The following KCNQ5 variants were observed in gnomAD, a reference collection of about 807,000 sequenced individuals.
KCNQ5 encodes potassium voltage-gated channel subfamily KQT member 5.
Under a neutral mutation model 98.2 loss-of-function variants are expected in KCNQ5, and 30 were observed. The observed-to-expected ratio is 0.31, with a 90% CI of 0.23 to 0.41. The LOEUF is 0.41. Among genes scored for constraint, KCNQ5 ranks in the 10% least tolerant of loss-of-function variants. The pLI is 1.00. For synonymous variants in KCNQ5, 458 were observed against 449.4 expected (o/e 1.02, Z -0.24); for missense variants, 835 against 1,182.5 (o/e 0.71, Z 4.31).
intron 1 of KCNQ5, among the ~76,000 whole-genome samples, chr6:72,897,863 A>G (rs1029277562): frequency 2.0e-5 from 3 of 152,072 alleles, no homozygotes; most frequent in Non-Finnish European, 4.4e-5. Flanking sequence ...CCTAGAAAAT[A>G]TTTTTGTCTT....
intron 5 of KCNQ5, among the ~76,000 whole-genome samples, chr6:73,090,248 G>A (rs1447329968): frequency 6.6e-6 from 1 of 151,876 alleles, no homozygotes; most frequent in Non-Finnish European, 1.5e-5. Context: ...CCCACTTTTT[G>A]ATGGGATTGT....
intron 10 of KCNQ5, among the ~76,000 whole-genome samples, chr6:73,153,032 G>C (rs1777216370): frequency 6.6e-6 from 1 of 152,114 alleles, no homozygotes; most frequent in Non-Finnish European, 1.5e-5. Flanking sequence ...TCTTCTGCTG[G>C]AATAGGAGAG....
intron 1 of KCNQ5, among the ~76,000 whole-genome samples, chr6:72,788,242 T>C (rs1003157858): frequency 2.0e-5 from 3 of 152,228 alleles, no homozygotes; most frequent in African/African-American, 7.2e-5. Context: ...TGATTTATTA[T>C]AAAATGTGCT....
At chr6:72,726,744 G>A (rs1243872116) in intron 1 of KCNQ5, among the ~76,000 whole-genome samples, 1 of 152,182 alleles carries the variant, frequency 6.6e-6, no homozygotes, top group Non-Finnish European at 1.5e-5. Context: ...CTGTTCTGTA[G>A]TTAAAGGAAA....
At chr6:72,874,495 C>T (rs1342208844) in intron 1 of KCNQ5, among the ~76,000 whole-genome samples, 1 of 152,066 alleles carries the variant, frequency 6.6e-6, no homozygotes, top group Non-Finnish European at 1.5e-5. Context: ...TTTATTTTCA[C>T]TTTAATCACT....
intron 1 of KCNQ5, among the ~76,000 whole-genome samples, chr6:72,945,806 A>G (rs1486970374): frequency 6.6e-6 from 1 of 152,058 alleles, no homozygotes; most frequent in Non-Finnish European, 1.5e-5. Context: ...TAACATATCC[A>G]TTTTTCTTTA....
At chr6:73,167,144 G>T (rs1418247605) in intron 10 of KCNQ5, among the ~76,000 whole-genome samples, 2 of 152,334 alleles carry the variant, frequency 1.3e-5, no homozygotes, top group Middle Eastern at 6.8e-3. Context: ...AAAAGACTGT[G>T]TTGTGTGGGT....
At chr6:72,895,882 G>A (rs1285719956) in intron 1 of KCNQ5, among the ~76,000 whole-genome samples, 1 of 151,928 alleles carries the variant, frequency 6.6e-6, no homozygotes, top group Non-Finnish European at 1.5e-5. Flanking sequence ...GAAAGGCTTT[G>A]TGTCTATTCC....
chr6:73,193,399 G>A (rs866504174), intron 13 of KCNQ5, among the ~76,000 whole-genome samples: 14 of 149,232 alleles, frequency 9.4e-5, no homozygotes, highest in African/African-American at 3.2e-4. Flanking sequence ...AGGCCGAGGC[G>A]GGCAGATCAC....
At chr6:73,137,656 TTC>T (rs1776525387) in intron 10 of KCNQ5, among the ~76,000 whole-genome samples, 2 of 152,190 alleles carry the variant, frequency 1.3e-5, no homozygotes, top group Non-Finnish European at 2.9e-5. Flanking sequence ...TTTTATTTAA[TTC>T]TGTCAATACC....
At chr6:73,112,334 A>G (rs969873440) in intron 7 of KCNQ5, among the ~76,000 whole-genome samples, 9 of 149,732 alleles carry the variant, frequency 6.0e-5, no homozygotes, top group Admixed American at 6.0e-4. Flanking sequence ...GTTTTGTTTT[A>G]TTTTTTGTTT....
At chr6:72,925,227 T>C (rs1780580978) in intron 1 of KCNQ5, among the ~76,000 whole-genome samples, 1 of 152,026 alleles carries the variant, frequency 6.6e-6, no homozygotes, top group East Asian at 1.9e-4. Context: ...TGTAAATCAG[T>C]GAGAAGGAAA....
intron 1 of KCNQ5, among the ~76,000 whole-genome samples, chr6:72,916,209 C>T (rs949875768): frequency 1.3e-5 from 2 of 152,058 alleles, no homozygotes; most frequent in Non-Finnish European, 2.9e-5. Context: ...ATGTCTTTTT[C>T]CCAGCCACTT....
intron 1 of KCNQ5, among the ~76,000 whole-genome samples, chr6:72,982,329 T>C (rs1024598094): frequency 2.6e-5 from 4 of 152,198 alleles, no homozygotes; most frequent in Non-Finnish European, 1.5e-5. Context: ...TTTATGAATC[T>C]GGGTGCTCCT....
At chr6:73,120,713 C>A in intron 8 of KCNQ5, 136 bp downstream of exon 8, 1 of 449,046 alleles carries the variant, frequency 2.2e-6, no homozygotes, top group Non-Finnish European at 3.9e-6. Context: ...AGATTCAAAC[C>A]TATTTAGTAG....
chr6:73,195,790 C>G lies in KCNQ5; in HGVS notation c.*376C>G. On this transcript the variant is annotated 3_prime_UTR_variant, in exon 14 of 14. Coordinates refer to ENST00000370398, the MANE Select transcript of KCNQ5 (RefSeq NM_019842.4). ...GGCATTTCTGCTTTGTGACTAAATA[C>G]AAACTACATTTTCAAGATTAGGCCA... 4.7e-6 allele frequency: 1 copy of G among 211,888 alleles called. No homozygotes were observed. Among genetic ancestry groups the G allele is most frequent in the Non-Finnish European group, 9.7e-6 (1 of 103,450 alleles). 13.1% of individuals were successfully genotyped at this position (211,888 alleles called of 1,614,324 possible).
At chr6:73,189,176 G>C (rs1765498521) in intron 11 of KCNQ5, among the ~76,000 whole-genome samples, 1 of 151,920 alleles carries the variant, frequency 6.6e-6, no homozygotes, top group Admixed American at 6.6e-5. Flanking sequence ...AAACCAATTT[G>C]GAACCAAAGC....
rs184843263 is a variant in KCNQ5 at position 72,657,929 on chromosome 6, A to T, written c.398+35342A>T. Among the ~76,000 whole-genome samples, 317 of 152,350 alleles carry T rather than the reference A, an allele frequency of 2.1e-3. 3 individuals carry two copies. Among genetic ancestry groups the T allele is most frequent in the Non-Finnish European group, 1.1e-3 (74 of 68,038 alleles). On this transcript the variant is annotated intron_variant, in intron 1 of 13. Transcript: ENST00000370398. ...CCACAGAATCTGATGCATTGAGGCC[A>T]CATTAAGATGTAAATGATTACCAGA... is the stretch of plus-strand genomic sequence containing the variant.
chr6:72,797,938 G>A (rs1018851918), intron 1 of KCNQ5, among the ~76,000 whole-genome samples: 1 of 152,122 alleles, frequency 6.6e-6, no homozygotes, highest in African/African-American at 2.4e-5. Flanking sequence ...ATCACCATGT[G>A]TAAGATGCTA....
Sources: allele counts gnomAD v4.1 joint callset (sites outside exome capture counted in the v4.1 genomes callset), GRCh38; gene constraint gnomAD v4.1.1; transcripts MANE v1.5; gene names NCBI Gene and HGNC (gene_info 2026-07-23, HGNC 2026-07-21).